The following MACROD2 variants were observed in gnomAD, a reference collection of about 807,000 sequenced individuals.
MACROD2 encodes ADP-ribose glycohydrolase MACROD2.
Under a neutral mutation model 70.4 loss-of-function variants are expected in MACROD2, and 36 were observed. That is an observed-to-expected ratio of 0.51 (90% CI 0.39 to 0.68). The LOEUF (loss-of-function observed/expected upper bound fraction) is 0.68. Ranked by LOEUF, MACROD2 falls within the 30% of genes least tolerant of loss-of-function variation. The pLI is 0.00. For missense variants in MACROD2, 496 were observed against 538.4 expected, an observed-to-expected ratio of 0.92 and a Z score of 0.78; for synonymous variants, 172 against 178.8, an observed-to-expected ratio of 0.96 and a Z score of 0.30.
At chr20:15,897,592 C>T (rs1343803476) in intron 10 of MACROD2, among the ~76,000 whole-genome samples, 6 of 151,916 alleles carry the variant, frequency 3.9e-5, no homozygotes, top group Admixed American at 2.6e-4. Context: ...TGATGCCTTC[C>T]GGTTAATTTT....
chr20:14,380,871 GT>G (rs963155118), intron 3 of MACROD2, among the ~76,000 whole-genome samples: 28 of 152,224 alleles, frequency 1.8e-4, no homozygotes, highest in African/African-American at 6.7e-4. Flanking sequence ...TTTCAAAACT[GT>G]TTTTCCTATT....
chr20:14,746,812 G>A (rs975881596), intron 5 of MACROD2, among the ~76,000 whole-genome samples: 1 of 152,052 alleles, frequency 6.6e-6, no homozygotes, highest in African/African-American at 2.4e-5. Context: ...TTTTTCGTAA[G>A]AGTCACTTGG....
At chr20:15,716,944 A>AT (rs2050716150) in intron 8 of MACROD2, among the ~76,000 whole-genome samples, 1 of 152,140 alleles carries the variant, frequency 6.6e-6, no homozygotes, top group African/African-American at 2.4e-5. Context: ...TGCTCACACT[A>AT]TTTTCTTGTG....
At chr20:15,713,865 A>G (rs1334972471) in intron 8 of MACROD2, among the ~76,000 whole-genome samples, 1 of 152,138 alleles carries the variant, frequency 6.6e-6, no homozygotes, top group East Asian at 1.9e-4. Context: ...CTCATAGTCC[A>G]TGAAATCCAA....
chr20:14,992,999 T>C (rs553660712), intron 5 of MACROD2, among the ~76,000 whole-genome samples: 2 of 152,128 alleles, frequency 1.3e-5, no homozygotes, highest in Non-Finnish European at 2.9e-5. Context: ...TTAATGATCT[T>C]CCATTGTATT....
intron 3 of MACROD2, among the ~76,000 whole-genome samples, chr20:14,451,567 G>A (rs1233535896): frequency 6.6e-6 from 1 of 152,174 alleles, no homozygotes; most frequent in African/African-American, 2.4e-5. Context: ...CCCTTCAATG[G>A]ACAGAGAGGC....
chr20:14,455,797 C>A lies in MACROD2; in HGVS notation c.272-37682C>A, dbSNP rs570731333. Among the ~76,000 whole-genome samples, 13 of 151,782 alleles carry A rather than the reference C, an allele frequency of 8.6e-5. No individual in the cohort carries two copies. The South Asian group carries it at 2.7e-3, about 31-fold the overall frequency. ...AGCAATTTAGTTTATAAAACTTAATCTTGCTGAGTGATAATACCCATGAAC... is the reference window on the plus strand; with the variant it reads ...AGCAATTTAGTTTATAAAACTTAATATTGCTGAGTGATAATACCCATGAAC... On this transcript the variant is annotated intron_variant, in intron 3 of 17. Transcript: ENST00000684519.
chr20:14,984,175 C>T lies in MACROD2; in HGVS notation c.419-245765C>T, dbSNP rs547059348. On this transcript the variant is annotated intron_variant, in intron 5 of 17. Transcript: ENST00000684519. The stretch of plus-strand genomic sequence containing the variant: ...TCCAGCACATGATTTTGATTTTACT[C>T]CTTTCAGCTTTAGAGCTGCCTTAAA... 3.8e-4 allele frequency among the ~76,000 whole-genome samples: 58 copies of T among 152,290 alleles called. 3 individuals are homozygous for T. The East Asian group carries it at 4.2e-3, about 11-fold the overall frequency.
chr20:14,504,022 T>G (rs1280561754), intron 4 of MACROD2, among the ~76,000 whole-genome samples: 1 of 152,232 alleles, frequency 6.6e-6, no homozygotes, highest in Non-Finnish European at 1.5e-5. Flanking sequence ...TTGGGCACTA[T>G]CCCTACTGTG....
intron 8 of MACROD2, among the ~76,000 whole-genome samples, chr20:15,728,624 TG>T (rs1032399023): frequency 6.6e-5 from 10 of 152,184 alleles, no homozygotes; most frequent in African/African-American, 2.4e-4. Flanking sequence ...GGTTCCATCT[TG>T]GGAGGTTGTA....
intron 4 of MACROD2, among the ~76,000 whole-genome samples, chr20:14,509,991 T>C (rs879856248): frequency 1.2e-4 from 18 of 152,044 alleles, no homozygotes; most frequent in Admixed American, 5.9e-4. Flanking sequence ...TTATATTCCC[T>C]TTTAAAAGTC....
intron 15 of MACROD2, among the ~76,000 whole-genome samples, chr20:16,008,215 G>A (rs894521939): frequency 2.0e-5 from 3 of 152,134 alleles, no homozygotes; most frequent in African/African-American, 4.8e-5. Context: ...TTCCTATAGC[G>A]CCCCCTATAC....
intron 3 of MACROD2, among the ~76,000 whole-genome samples, chr20:14,417,035 ATATC>A (rs1036359432): frequency 3.4e-5 from 5 of 147,090 alleles, no homozygotes; most frequent in Non-Finnish European, 6.0e-5. Flanking sequence ...ATCTATCTAT[ATATC>A]TATCTATTAT....
chr20:15,947,878 G>A (rs2065846654), intron 12 of MACROD2, among the ~76,000 whole-genome samples: 1 of 152,310 alleles, frequency 6.6e-6, no homozygotes. Context: ...ATTAACTAGA[G>A]AATTGGAGAT....
intron 6 of MACROD2, among the ~76,000 whole-genome samples, chr20:15,408,834 T>C (rs1352234838): frequency 3.3e-5 from 5 of 152,246 alleles, no homozygotes; most frequent in Non-Finnish European, 7.3e-5. Context: ...GGAGGGAATC[T>C]TTTAAGAGGT....
chr20:14,150,537 T>A (rs1411598787), intron 3 of MACROD2, among the ~76,000 whole-genome samples: 1 of 152,206 alleles, frequency 6.6e-6, no homozygotes, highest in East Asian at 1.9e-4. Flanking sequence ...AGACTTTAAG[T>A]GTAAATAACT....
chr20:14,843,322 C>T (rs2073106576), intron 5 of MACROD2, among the ~76,000 whole-genome samples: 2 of 151,450 alleles, frequency 1.3e-5, no homozygotes, highest in African/African-American at 4.8e-5. Flanking sequence ...TCTAAATCTG[C>T]ATGTTTGTAT....
At chr20:14,404,803 C>CAG (rs1258989156) in intron 3 of MACROD2, among the ~76,000 whole-genome samples, 1 of 151,800 alleles carries the variant, frequency 6.6e-6, no homozygotes, top group Non-Finnish European at 1.5e-5. Flanking sequence ...AAAAGCAGAG[C>CAG]AGAGAAGCAC....
Position 14,937,581 on chromosome 20 carries a change from CAT to C in MACROD2, c.418+252623_418+252624del, listed in dbSNP as rs550805996. On this transcript the variant is annotated intron_variant, in intron 5 of 17. Coordinates refer to ENST00000684519, the MANE Select transcript of MACROD2 (RefSeq NM_001351661.2). ...AGGTATATTTATTTTTTTGAGGTAA[CAT>C]GTGATAATGTAATACATTCATGTAA... is the stretch of plus-strand genomic sequence containing the variant. Among the ~76,000 whole-genome samples the C allele has an allele frequency of 3.8e-3, 579 of 151,994 alleles. 6 individuals are homozygous for C. The highest frequency in any genetic ancestry group is 0.013 in the African/African-American group (526 of 41,440).
Sources: gnomAD v4.1 joint callset for allele counts (sites outside exome capture counted in the v4.1 genomes callset) on GRCh38, gnomAD v4.1.1 for gene constraint, MANE v1.5 for transcripts, NCBI Gene and HGNC (gene_info 2026-07-23, HGNC 2026-07-21) for gene names.